The following NR6A1 variants were observed in gnomAD, a reference collection of about 807,000 sequenced individuals.
NR6A1 encodes retinoic acid receptor-related testis-associated receptor.
NR6A1 carries 7 observed loss-of-function variants against 59.1 expected under a neutral mutation model. That is an observed-to-expected ratio of 0.12 (90% CI 0.07 to 0.22). The LOEUF is 0.22. Among genes scored for constraint, NR6A1 ranks in the 10% least tolerant of loss-of-function variants. The pLI is 1.00. For missense variants in NR6A1, 468 were observed against 611.6 expected (o/e 0.77, Z 2.48); for synonymous variants, 243 against 236.1 (o/e 1.03, Z -0.27).
chr9:124,613,839 TTAAAAGTATA>T (rs1278416052), intron 2 of NR6A1, among the ~76,000 whole-genome samples: 1 of 152,112 alleles, frequency 6.6e-6, no homozygotes, highest in East Asian at 1.9e-4. Flanking sequence ...AAACATATAT[TTAAAAGTATA>T]TAAAAGTTTA....
At chr9:124,615,391 A>AG (rs1835859644) in intron 2 of NR6A1, among the ~76,000 whole-genome samples, 1 of 152,196 alleles carries the variant, frequency 6.6e-6, no homozygotes, top group Admixed American at 6.5e-5. Context: ...TACAAAACTG[A>AG]GAAGTAAAAT....
rs571980048 is a variant in NR6A1, at chr9:124,589,674, A to G, written c.143-35104T>C. 6.4e-4 allele frequency among the ~76,000 whole-genome samples: 97 copies of G among 152,294 alleles called. 1 individual carries two copies. The South Asian group carries it at 0.018, about 28-fold the overall frequency. ...TGTCTGCTTTTTTCTTTTTTCAAAT[A>G]TCTAAAACATACATTTTCTTGTGCA... On this transcript the variant is annotated intron_variant, in intron 2 of 9. Transcript: ENST00000487099.
intron 2 of NR6A1, among the ~76,000 whole-genome samples, chr9:124,590,061 C>CAAAAAAAAAAAAAAAAA (rs71372976): frequency 6.5e-5 from 2 of 30,896 alleles, no homozygotes; most frequent in Admixed American, 6.0e-4. Context: ...AAGACTCTGT[C>CAAAAAAAAAAAAAAAAA]AAAAAAAAAA....
At chr9:124,632,701 C>T (rs563818133) in intron 2 of NR6A1, among the ~76,000 whole-genome samples, 1 of 152,272 alleles carries the variant, frequency 6.6e-6, no homozygotes, top group East Asian at 1.9e-4. Context: ...CATGCATGAT[C>T]TGAAATTATT....
rs183366357 is a variant in NR6A1, at chr9:124,540,114, T to C, written c.515A>G (p.His172Arg). The C allele has an allele frequency of 6.2e-6, 10 of 1,613,536 alleles. No homozygotes were observed. In the African/African-American group the frequency reaches 1.3e-4, roughly 22 times the overall value. ...AGGGGAACTGTGGTCACTATCACCA[T>C]GGTTGCTCCAGTGATTGGCCTCTTC... ...FEEEANHWSNHGDSDHSSPGN... is the reference protein window; with the variant it reads ...FEEEANHWSNRGDSDHSSPGN... Residue 172 changes from histidine to arginine, a missense_variant, in exon 5 of 10, where the codon CAT becomes CGT. This residue lies in a region of NR6A1 where 151 missense variants were observed against 142.8 expected (regional missense o/e 1.06). Coordinates refer to ENST00000487099, the MANE Select transcript of NR6A1 (RefSeq NM_033334.4).
intron 2 of NR6A1, among the ~76,000 whole-genome samples, chr9:124,576,678 C>T (rs2131446156): frequency 6.6e-6 from 1 of 152,284 alleles, no homozygotes. Context: ...ATAAACCTAT[C>T]TACTTTACTG....
chr9:124,754,076 G>A (rs1318609169), intron 1 of NR6A1, among the ~76,000 whole-genome samples: 1 of 152,162 alleles, frequency 6.6e-6, no homozygotes, highest in African/African-American at 2.4e-5. Flanking sequence ...AAAGTCACTA[G>A]GTGGTTCATA....
At chr9:124,745,652 C>G (rs917783115) in intron 1 of NR6A1, among the ~76,000 whole-genome samples, 7 of 129,424 alleles carry the variant, frequency 5.4e-5, no homozygotes, top group African/African-American at 2.1e-4. Flanking sequence ...GCCTGGGCAA[C>G]AAGAGTGAAA....
intron 3 of NR6A1, among the ~76,000 whole-genome samples, chr9:124,552,118 C>T (rs999287555): frequency 5.3e-5 from 8 of 152,210 alleles, no homozygotes; most frequent in African/African-American, 1.9e-4. Flanking sequence ...CTCAGAATCT[C>T]ACACTCCAGC....
intron 3 of NR6A1, among the ~76,000 whole-genome samples, chr9:124,553,679 T>C (rs1321354898): frequency 6.6e-6 from 1 of 151,154 alleles, no homozygotes; most frequent in African/African-American, 2.4e-5. Flanking sequence ...ATCAGATGAG[T>C]TTCTTCAACA....
At chr9:124,615,778 T>C (rs1835871768) in intron 2 of NR6A1, among the ~76,000 whole-genome samples, 1 of 152,160 alleles carries the variant, frequency 6.6e-6, no homozygotes, top group Admixed American at 6.5e-5. Flanking sequence ...GCTAGAATGT[T>C]TGGAGCCAGA....
At chr9:124,679,532 A>G (rs913314941) in intron 2 of NR6A1, among the ~76,000 whole-genome samples, 8 of 152,202 alleles carry the variant, frequency 5.3e-5, no homozygotes, top group African/African-American at 1.7e-4. Context: ...CAATGACACA[A>G]TTGCTTGCAG....
At chr9:124,692,432 G>A (rs987967684) in intron 2 of NR6A1, 1 of 526,912 alleles carries the variant, frequency 1.9e-6, no homozygotes, top group African/African-American at 1.9e-5. Flanking sequence ...GGATGTGGAT[G>A]GGAGAATGAA....
chr9:124,680,614 G>A (rs1055810126), intron 2 of NR6A1, among the ~76,000 whole-genome samples: 1 of 152,074 alleles, frequency 6.6e-6, no homozygotes, highest in African/African-American at 2.4e-5. Context: ...AAGCTCCAGG[G>A]GGATGCCAAA....
chr9:124,597,165 GAA>G (rs1835295005), intron 2 of NR6A1, among the ~76,000 whole-genome samples: 1 of 152,016 alleles, frequency 6.6e-6, no homozygotes, highest in Non-Finnish European at 1.5e-5. Context: ...AGCCTAAAGA[GAA>G]AGTGACCAAT....
At chr9:124,673,351 A>T (rs1450357609) in intron 2 of NR6A1, among the ~76,000 whole-genome samples, 1 of 152,190 alleles carries the variant, frequency 6.6e-6, no homozygotes, top group East Asian at 1.9e-4. Flanking sequence ...AGTGAGACAT[A>T]TGAAGGTTCT....
At chr9:124,695,485 G>A (rs956591976) in intron 2 of NR6A1, among the ~76,000 whole-genome samples, 8 of 151,740 alleles carry the variant, frequency 5.3e-5, no homozygotes, top group South Asian at 4.2e-4. Flanking sequence ...AGTGATTCTC[G>A]TGCCTCAGCC....
chr9:124,598,837 T>C, intron 2 of NR6A1: 1 of 743,672 alleles, frequency 1.3e-6, no homozygotes, highest in Non-Finnish European at 2.4e-6. Context: ...CTCCAATCTC[T>C]TTACTGCATT....
At chr9:124,627,215 G>A (rs548280327) in intron 2 of NR6A1, among the ~76,000 whole-genome samples, 1 of 152,246 alleles carries the variant, frequency 6.6e-6, no homozygotes, top group East Asian at 1.9e-4. Context: ...TTTGGCCTAG[G>A]TCATGTACCT....
Sources: gnomAD v4.1 joint callset for allele counts (sites outside exome capture counted in the v4.1 genomes callset) on GRCh38, gnomAD v4.1.1 for gene constraint, gnomAD v4.1.1 regional missense constraint, MANE v1.5 for transcripts, NCBI Gene and HGNC (gene_info 2026-07-23, HGNC 2026-07-21) for gene names.